Variants in TESMIN observed in about 807,000 individuals in gnomAD.
TESMIN encodes the protein testis expressed metallothionein like protein.
Under a neutral mutation model 47.4 loss-of-function variants are expected in TESMIN, and 34 were observed. The observed-to-expected ratio is 0.72, with a 90% CI of 0.55 to 0.96. The LOEUF (loss-of-function observed/expected upper bound fraction) is 0.96. Among genes scored for constraint, TESMIN ranks in the 40% least tolerant of loss-of-function variants. The probability of loss-of-function intolerance (pLI) is 0.00; values close to 1 mark genes in which losing one functional copy is unlikely to be tolerated. For missense variants in TESMIN, 610 were observed against 637.2 expected (o/e 0.96, Z 0.46); for synonymous variants, 278 against 258.9 (o/e 1.07, Z -0.71).
chr11:68,736,844 C>G (rs1287005178), intron 6 of TESMIN: 1 of 979,060 alleles, frequency 1.0e-6, no homozygotes, highest in South Asian at 4.7e-5. Flanking sequence ...AATGGGAAGC[C>G]GGGGGAGAGG....
intron 6 of TESMIN, chr11:68,736,670 C>T: frequency 1.0e-6 from 1 of 981,830 alleles, no homozygotes; most frequent in Non-Finnish European, 1.2e-6. Flanking sequence ...ACACCGTTTA[C>T]AATAGAGAAA....
Position 68,750,493 on chromosome 11 carries a change from C to G in TESMIN, c.168G>C (p.Pro56=). The stretch of plus-strand genomic sequence containing the variant: ...GCAGGACGGGTTCCTTGGGGTCCGC[C>G]GGGCCCAGGTACGCTTCTTTGAAGA... The part of the protein sequence containing the change: ...FHVFKEAYLG[P]ADPKEPVLHA... The change falls in exon 2 of 10, where the codon CCG becomes CCC. Residue 56 remains proline, a synonymous_variant. Transcript: ENST00000255087. 1 of 1,602,416 alleles carries G rather than the reference C, an allele frequency of 6.2e-7. No individual in the cohort carries two copies. Among genetic ancestry groups the G allele is most frequent in the African/African-American group, 1.3e-5 (1 of 74,610 alleles).
chr11:68,710,019 G>A (rs1188759818), intron 9 of TESMIN, among the ~76,000 whole-genome samples: 2 of 152,162 alleles, frequency 1.3e-5, no homozygotes, highest in East Asian at 1.9e-4. Flanking sequence ...TCAGCCGGAT[G>A]TGGTGGTGCG....
At chr11:68,732,414 G>A (rs1566320292) in intron 6 of TESMIN, among the ~76,000 whole-genome samples, 1 of 152,132 alleles carries the variant, frequency 6.6e-6, no homozygotes, top group Non-Finnish European at 1.5e-5. Context: ...CCCAGTTACA[G>A]TCTACACCCT....
At chr11:68,744,917 A>T in intron 4 of TESMIN, 74 bp downstream of exon 4, 1 of 1,303,248 alleles carries the variant, frequency 7.7e-7, no homozygotes, top group Non-Finnish European at 1.0e-6. Flanking sequence ...ATTTCACTTT[A>T]TATACAAAGC....
At chr11:68,716,731 G>A (rs1263917590) in intron 6 of TESMIN, among the ~76,000 whole-genome samples, 1 of 151,564 alleles carries the variant, frequency 6.6e-6, no homozygotes, top group Non-Finnish European at 1.5e-5. Context: ...ACAGGCACGC[G>A]CTTTACCCTT....
intron 3 of TESMIN, 78 bp downstream of exon 3, chr11:68,747,130 T>C: frequency 1.4e-6 from 2 of 1,477,860 alleles, no homozygotes; most frequent in Non-Finnish European, 1.9e-6. Flanking sequence ...ACGAGTGAAA[T>C]GATCAGTCGA....
rs764224339 is a variant in TESMIN at position 68,745,053 on chromosome 11, C to T, written c.689G>A (p.Arg230Lys). Residue 230 changes from arginine (R) to lysine (K), a missense_variant, in exon 4 of 10, where the codon AGA becomes AAA. Physicochemically the swap from Arg to Lys is conservative, Grantham distance 26 (BLOSUM62 2). Transcript: ENST00000255087. Reference protein sequence around the residue: ...QMLCIDNSRTRELKALHLVPQ... With the variant: ...QMLCIDNSRTKELKALHLVPQ... ...AACCAAATGGAGTGCTTTTAGTTCT[C>T]TTGTTCTAGAATTGTCTATACATAG... The T allele has an allele frequency of 6.3e-7, 1 of 1,593,922 alleles. No individual in the cohort carries two copies. The highest frequency in any genetic ancestry group is 8.5e-7 in the Non-Finnish European group (1 of 1,174,922).
chr11:68,728,812 C>T (rs765778183), intron 6 of TESMIN, among the ~76,000 whole-genome samples: 1 of 152,248 alleles, frequency 6.6e-6, no homozygotes, highest in Non-Finnish European at 1.5e-5. Flanking sequence ...AATGGAACAA[C>T]AAAGCCTGAA....
intron 6 of TESMIN, among the ~76,000 whole-genome samples, chr11:68,724,504 C>T (rs1946238618): frequency 6.6e-6 from 1 of 152,230 alleles, no homozygotes; most frequent in Non-Finnish European, 1.5e-5. Flanking sequence ...CTCAAGAGTG[C>T]ATTTCCCAGC....
At chr11:68,742,441 CT>C (rs1329431455) in intron 4 of TESMIN, 47 bp from the exon 5 acceptor site, 11 of 1,247,046 alleles carry the variant, frequency 8.8e-6, no homozygotes, top group Non-Finnish European at 1.1e-5. Context: ...TATCGTTCCT[CT>C]TCCACTTACA....
At chr11:68,747,058 T>A (rs1354700125) in intron 3 of TESMIN, 150 bp downstream of exon 3, 7 of 744,696 alleles carry the variant, frequency 9.4e-6, no homozygotes, top group Non-Finnish European at 1.6e-5. Context: ...GAAAGGCTCA[T>A]GTCCCTGTTT....
At chr11:68,716,288 A>G (rs1484944427) in intron 6 of TESMIN, among the ~76,000 whole-genome samples, 1 of 152,230 alleles carries the variant, frequency 6.6e-6, no homozygotes, top group Non-Finnish European at 1.5e-5. Context: ...GGTGGGCAGA[A>G]ACATCAAGTA....
chr11:68,738,033 G>T (rs746834408), intron 6 of TESMIN: 1 of 985,530 alleles, frequency 1.0e-6, no homozygotes, highest in Non-Finnish European at 1.2e-6. Context: ...CGAATGGAGA[G>T]GGTTGCCCAA....
In TESMIN at chr11:68,750,687, G is replaced by C. The variant is rs1946585313; in HGVS notation, c.-27C>G. 9 of 1,441,052 alleles carry C rather than the reference G, an allele frequency of 6.2e-6. No homozygotes were observed. In the East Asian group the frequency reaches 1.6e-4, roughly 25 times the overall value. 89.3% of individuals were successfully genotyped at this position (1,441,052 alleles called of 1,614,324 possible). A position where few individuals can be genotyped will look rare whatever the true frequency, so the allele number is the denominator to read the frequency against. On this transcript the variant is annotated 5_prime_UTR_variant, in exon 2 of 10. Transcript: ENST00000255087. The stretch of plus-strand genomic sequence containing the variant: ...GCGCAGGGCGGCGGGGCGGGATGGC[G>C]GGGGCCGCGCACCTGCAACACGCGG...
rs531940516 is a variant in TESMIN, at chr11:68,710,334, T to C, written c.1334+540A>G. The stretch of plus-strand genomic sequence containing the variant: ...AAACAAATGAATGGAATCTAATAGA[T>C]AGTAAAACTATGACTCAACTTTGAG... On this transcript the variant is annotated intron_variant, in intron 9 of 9. Transcript: ENST00000255087. Among the ~76,000 whole-genome samples, 4 of 152,314 alleles carry C rather than the reference T, an allele frequency of 2.6e-5. No homozygotes were observed. The East Asian group carries it at 7.7e-4, about 29-fold the overall frequency.
rs532082187 is a variant in TESMIN, at chr11:68,726,681, T to G, written c.918-10742A>C. Reference sequence around the variant, plus strand: ...AAAAAATGACCATCCAGATTTCACCTTCTACTCCACAGAATTCTGGTGGCA... The same window carrying G: ...AAAAAATGACCATCCAGATTTCACCGTCTACTCCACAGAATTCTGGTGGCA... On this transcript the variant is annotated intron_variant, in intron 6 of 9. Transcript: ENST00000255087. Among the ~76,000 whole-genome samples, 215 of 152,210 alleles carry G rather than the reference T, an allele frequency of 1.4e-3. 1 individual carries two copies. Among genetic ancestry groups the G allele is most frequent in the Non-Finnish European group, 2.6e-3 (180 of 68,044 alleles).
At chr11:68,736,095 T>C in intron 6 of TESMIN, 3 of 985,382 alleles carry the variant, frequency 3.0e-6, no homozygotes, top group Non-Finnish European at 3.6e-6. Flanking sequence ...CACAACAAGA[T>C]AACCTCATCT....
Position 68,711,274 on chromosome 11 carries a change from TAA to T in TESMIN, c.1159-227_1159-226del, listed in dbSNP as rs570863265. Among the ~76,000 whole-genome samples the T allele has an allele frequency of 1.3e-3, 199 of 149,042 alleles. 1 individual carries two copies. Among genetic ancestry groups the T allele is most frequent in the Non-Finnish European group, 2.4e-3 (164 of 67,296 alleles). On this transcript the variant is annotated intron_variant, in intron 8 of 9. Coordinates refer to ENST00000255087, the MANE Select transcript of TESMIN (RefSeq NM_004923.3). ...TGTGTGTGTGTTGAGTGTGAATGTG[TAA>T]GAGTGTGTGTGTGTTGAGCGTGTAT...
Sources: gnomAD v4.1 joint callset for allele counts (sites outside exome capture counted in the v4.1 genomes callset) on GRCh38, gnomAD v4.1.1 for gene constraint, MANE v1.5 for transcripts, NCBI Gene and HGNC (gene_info 2026-07-23, HGNC 2026-07-21) for gene names.